Variants in BAIAP2L1 observed in about 807,000 individuals in gnomAD.
The protein encoded by BAIAP2L1 is BAR/IMD domain-containing adapter protein 2-like 1.
Under a neutral mutation model 66.3 loss-of-function variants are expected in BAIAP2L1, and 35 were observed. The observed-to-expected ratio is 0.53, with a 90% CI of 0.40 to 0.70. The LOEUF (loss-of-function observed/expected upper bound fraction) is 0.70, where lower values mean the gene tolerates loss of function less well. Ranked by LOEUF, BAIAP2L1 falls within the 30% of genes least tolerant of loss-of-function variation. The probability of loss-of-function intolerance (pLI) is 0.00; values close to 1 mark genes in which losing one functional copy is unlikely to be tolerated. For synonymous variants in BAIAP2L1, 269 were observed against 248.7 expected (o/e 1.08, Z -0.77); for missense variants, 622 against 656.9 (o/e 0.95, Z 0.58).
chr7:98,382,238 T>C (rs899693615), intron 1 of BAIAP2L1, among the ~76,000 whole-genome samples: 1 of 152,052 alleles, frequency 6.6e-6, no homozygotes, highest in South Asian at 2.1e-4. Context: ...AGGTTTTCAA[T>C]TGTTAATTTG....
At chr7:98,316,554 G>A (rs1201556341) in intron 6 of BAIAP2L1, among the ~76,000 whole-genome samples, 2 of 152,098 alleles carry the variant, frequency 1.3e-5, no homozygotes, top group Admixed American at 6.6e-5. Context: ...TATTTATAGG[G>A]CACATGTGAT....
Position 98,307,889 on chromosome 7 carries a change from G to C in BAIAP2L1, c.963C>G (p.Ser321=), listed in dbSNP as rs11540936. The part of the protein sequence containing the change: ...SQRVNNSTGT[S]EDPSLQRSVS... ...CTGATCGCTGTAAACTGGGATCTTCGGAAGTACCTGTTGGAGGGAGTGTAG... is the reference window on the plus strand; with the variant it reads ...CTGATCGCTGTAAACTGGGATCTTCCGAAGTACCTGTTGGAGGGAGTGTAG... Residue 321 remains serine (S), a synonymous_variant, in exon 10 of 14, where the codon TCC becomes TCG. Coordinates refer to ENST00000005260, the MANE Select transcript of BAIAP2L1 (RefSeq NM_018842.5). 6.2e-7 allele frequency: 1 copy of C among 1,614,130 alleles called. No individual in the cohort carries two copies. The highest frequency in any genetic ancestry group is 8.5e-7 in the Non-Finnish European group (1 of 1,180,024).
rs112512794 is a variant in BAIAP2L1, at chr7:98,317,104, C to T, written c.486+115G>A. On this transcript the variant is annotated intron_variant, in intron 6 of 13. Coordinates refer to ENST00000005260, the MANE Select transcript of BAIAP2L1 (RefSeq NM_018842.5). ...CTGACCTCATATGATCCTACTGCCTCGGCCTCCCAAAGTGCTGGGATTACA... is the reference window on the plus strand; with the variant it reads ...CTGACCTCATATGATCCTACTGCCTTGGCCTCCCAAAGTGCTGGGATTACA... 2.6e-3 allele frequency: 3,374 copies of T among 1,322,952 alleles called. 63 individuals carry two copies. In the African/African-American group the frequency reaches 0.042, roughly 16 times the overall value. 82.0% of individuals were successfully genotyped at this position (1,322,952 alleles called of 1,614,324 possible).
At chr7:98,349,776 G>A (rs1208798980) in intron 3 of BAIAP2L1, among the ~76,000 whole-genome samples, 1 of 151,868 alleles carries the variant, frequency 6.6e-6, no homozygotes, top group East Asian at 1.9e-4. Context: ...TTGGGAGGCC[G>A]ATGGGAAGTT....
intron 3 of BAIAP2L1, 43 bp downstream of exon 3, chr7:98,354,999 G>T: frequency 6.9e-7 from 1 of 1,457,452 alleles, no homozygotes. Flanking sequence ...GGGGTTCACA[G>T]GATGACAAGT....
chr7:98,299,982 T>C (rs1409803821), intron 12 of BAIAP2L1, among the ~76,000 whole-genome samples: 3 of 152,136 alleles, frequency 2.0e-5, no homozygotes, highest in Non-Finnish European at 2.9e-5. Flanking sequence ...TGGAGGTTGC[T>C]GTGAACCAAG....
At position 98,315,288 on chromosome 7, in the gene BAIAP2L1, G is replaced by GTT. The variant is rs1020662454; in HGVS notation, c.639+170_639+171dup. On this transcript the variant is annotated intron_variant, in intron 7 of 13. Transcript: ENST00000005260. ...AGGCACATGCTACCATGCCTGGCTA[G>GTT]TTTTTTTTTTATTATTTTTTATAGA... is the stretch of plus-strand genomic sequence containing the variant. Among the ~76,000 whole-genome samples, 85 of 149,726 alleles carry GTT rather than the reference G, an allele frequency of 5.7e-4. 2 individuals carry two copies. In the South Asian group the frequency reaches 0.018, roughly 32 times the overall value.
Position 98,310,606 on chromosome 7 carries a change from T to C in BAIAP2L1, c.808-14A>G. 11 of 1,553,488 alleles carry C rather than the reference T, an allele frequency of 7.1e-6. No homozygotes were observed. Among genetic ancestry groups the C allele is most frequent in the Non-Finnish European group, 9.5e-6 (11 of 1,157,940 alleles). ...ATCTTTCCTAACCTGTGAAAAATTC[T>C]TTATTAGTCCAATATTAGTATAGTG... On this transcript the variant is annotated splice_polypyrimidine_tract_variant and intron_variant, in intron 8 of 13. Coordinates refer to ENST00000005260, the MANE Select transcript of BAIAP2L1 (RefSeq NM_018842.5).
At chr7:98,312,440 G>A (rs926892568) in intron 7 of BAIAP2L1, among the ~76,000 whole-genome samples, 176 bp from the exon 8 acceptor site, 7 of 152,166 alleles carry the variant, frequency 4.6e-5, no homozygotes, top group South Asian at 2.1e-4. Context: ...GTGTCTCACC[G>A]GCTGAGAGGG....
intron 5 of BAIAP2L1, 111 bp downstream of exon 5, chr7:98,319,947 C>T (rs1010050574): frequency 4.6e-5 from 40 of 865,672 alleles, no homozygotes; most frequent in Non-Finnish European, 6.9e-5. Flanking sequence ...ATCATCAACA[C>T]GGAGCTTCTC....
chr7:98,368,965 G>A (rs990798094), intron 1 of BAIAP2L1, among the ~76,000 whole-genome samples: 5 of 151,252 alleles, frequency 3.3e-5, no homozygotes, highest in East Asian at 3.9e-4. Context: ...TTACGTTTTC[G>A]TATCTCTAGG....
At chr7:98,346,969 T>C (rs376485652) in intron 3 of BAIAP2L1, among the ~76,000 whole-genome samples, 1 of 151,686 alleles carries the variant, frequency 6.6e-6, no homozygotes. Context: ...AGGATGAAGA[T>C]GTTTCAGGGA....
intron 11 of BAIAP2L1, 93 bp from the exon 12 acceptor site, chr7:98,304,469 T>G: frequency 4.0e-6 from 5 of 1,255,510 alleles, no homozygotes; most frequent in Non-Finnish European, 5.7e-6. Flanking sequence ...ACAACAGTAA[T>G]AGTACATCAC....
At position 98,345,360 on chromosome 7, in the gene BAIAP2L1, A is replaced by C. The variant is rs73141636; in HGVS notation, c.214+9682T>G. Among the ~76,000 whole-genome samples, 1,055 of 152,314 alleles carry C rather than the reference A, an allele frequency of 6.9e-3. 10 individuals are homozygous for C. The highest frequency in any genetic ancestry group is 0.011 in the Non-Finnish European group (733 of 68,024). On this transcript the variant is annotated intron_variant, in intron 3 of 13. Coordinates refer to ENST00000005260, the MANE Select transcript of BAIAP2L1 (RefSeq NM_018842.5). ...TTTGCAAACTCAATAATAAAAAAAAACATAATTTAAAATGGGCAAAGGATC... is the reference window on the plus strand; with the variant it reads ...TTTGCAAACTCAATAATAAAAAAAACCATAATTTAAAATGGGCAAAGGATC...
chr7:98,301,357 T>G (rs1359376100), intron 12 of BAIAP2L1, among the ~76,000 whole-genome samples: 1 of 152,074 alleles, frequency 6.6e-6, no homozygotes, highest in Non-Finnish European at 1.5e-5. Context: ...ATGATTAGAA[T>G]CCGCATAAGG....
intron 2 of BAIAP2L1, among the ~76,000 whole-genome samples, chr7:98,359,115 G>C (rs1562783792): frequency 6.6e-6 from 1 of 152,208 alleles, no homozygotes; most frequent in Non-Finnish European, 1.5e-5. Flanking sequence ...TGCAGGTGCA[G>C]GAGTGAGCCC....
intron 2 of BAIAP2L1, among the ~76,000 whole-genome samples, chr7:98,359,273 C>CTTT (rs998408583): frequency 7.2e-6 from 1 of 139,292 alleles, no homozygotes. Flanking sequence ...TACTTGCTGT[C>CTTT]TTTTTTTTTT....
At chr7:98,333,913 A>G (rs916882965) in intron 3 of BAIAP2L1, among the ~76,000 whole-genome samples, 7 of 152,208 alleles carry the variant, frequency 4.6e-5, no homozygotes, top group Non-Finnish European at 7.3e-5. Flanking sequence ...CTATAGGCAC[A>G]GGGTTTAATT....
chr7:98,384,611 C>A (rs1041003201), intron 1 of BAIAP2L1, among the ~76,000 whole-genome samples: 1 of 151,930 alleles, frequency 6.6e-6, no homozygotes. Flanking sequence ...CTAGTTCTTT[C>A]CAAATGCTAC....
Sources: allele counts gnomAD v4.1 joint callset (sites outside exome capture counted in the v4.1 genomes callset), GRCh38; gene constraint gnomAD v4.1.1; transcripts MANE v1.5; gene names NCBI Gene and HGNC (gene_info 2026-07-23, HGNC 2026-07-21).